Variants in SDK1 observed in about 807,000 individuals in gnomAD.
The protein encoded by SDK1 is protein sidekick-1.
In SDK1, 157 loss-of-function variants were observed where a neutral mutation model predicts 245.5. The observed-to-expected ratio is 0.64, with a 90% confidence interval of 0.56 to 0.73. The LOEUF (loss-of-function observed/expected upper bound fraction) is 0.73. Ranked by LOEUF, SDK1 falls within the 30% of genes least tolerant of loss-of-function variation. SDK1 has a pLI of 0.00. For synonymous variants in SDK1, 1,647 were observed against 1,278.5 expected (o/e 1.29, Z -6.15); for missense variants, 3,583 against 3,002.3 (o/e 1.19, Z -4.52).
chr7:3,634,322 T>G (rs1782391144), intron 2 of SDK1, among the ~76,000 whole-genome samples: 1 of 152,162 alleles, frequency 6.6e-6, no homozygotes, highest in South Asian at 2.1e-4. Context: ...ATAAAGAAAT[T>G]CTAGGGTTGG....
intron 4 of SDK1, among the ~76,000 whole-genome samples, chr7:3,776,843 C>T (rs1780578907): frequency 6.6e-6 from 1 of 152,038 alleles, no homozygotes; most frequent in Admixed American, 6.5e-5. Flanking sequence ...CTGAGAATGT[C>T]AGTCAGTAGT....
chr7:3,724,617 A>G (rs1368554316), intron 4 of SDK1, among the ~76,000 whole-genome samples: 2 of 152,196 alleles, frequency 1.3e-5, no homozygotes, highest in South Asian at 2.1e-4. Context: ...CGCATATGCA[A>G]CAAAAGTGGT....
At chr7:4,072,022 T>C (rs1397938443) in intron 20 of SDK1, among the ~76,000 whole-genome samples, 1 of 152,254 alleles carries the variant, frequency 6.6e-6, no homozygotes, top group Admixed American at 6.5e-5. Flanking sequence ...ATAATTCACG[T>C]TGAGCCAACA....
At chr7:3,719,764 G>T (rs1175312444) in intron 4 of SDK1, among the ~76,000 whole-genome samples, 1 of 151,980 alleles carries the variant, frequency 6.6e-6, no homozygotes, top group Non-Finnish European at 1.5e-5. Context: ...GGATCATGAG[G>T]TGAAGAGATT....
chr7:4,255,062 G>A (rs1429278857), intron 44 of SDK1, among the ~76,000 whole-genome samples: 6 of 152,212 alleles, frequency 3.9e-5, no homozygotes, highest in East Asian at 1.9e-4. Flanking sequence ...CAGCCTTTCT[G>A]CAGTTGCCAG....
chr7:3,968,018 C>G (rs1359168429), intron 10 of SDK1, among the ~76,000 whole-genome samples: 1 of 152,228 alleles, frequency 6.6e-6, no homozygotes, highest in Non-Finnish European at 1.5e-5. Context: ...CTTCTCTATC[C>G]ACGCCCTTCA....
intron 5 of SDK1, among the ~76,000 whole-genome samples, chr7:3,862,673 G>A (rs6969052): frequency 0.21 from 31,467 of 151,954 alleles, 3,488 homozygotes; most frequent in Middle Eastern, 0.29. Flanking sequence ...TTTTTAATAC[G>A]TCAGGCTTTT....
chr7:3,957,292 G>A (rs13234290), intron 7 of SDK1, among the ~76,000 whole-genome samples: 16,705 of 152,200 alleles, frequency 0.11, 1,133 homozygotes, highest in South Asian at 0.16. Context: ...ACACTTGAGC[G>A]CAGGAAACAC....
intron 4 of SDK1, among the ~76,000 whole-genome samples, chr7:3,720,291 C>T (rs1469926331): frequency 6.6e-6 from 1 of 151,916 alleles, no homozygotes. Flanking sequence ...AAAACAAAAA[C>T]TGCAGACATG....
At chr7:4,264,120 T>TG (rs1208025148) in intron 44 of SDK1, among the ~76,000 whole-genome samples, 1 of 98,802 alleles carries the variant, frequency 1.0e-5, no homozygotes, top group African/African-American at 3.9e-5. Flanking sequence ...CTCTCCTGAG[T>TG]GGGGAGGCCG....
chr7:3,784,451 A>G (rs2115015862), intron 4 of SDK1, among the ~76,000 whole-genome samples: 1 of 152,118 alleles, frequency 6.6e-6, no homozygotes, highest in African/African-American at 2.4e-5. Context: ...ATATTTAGAA[A>G]CCATACTTTG....
At position 3,415,003 on chromosome 7, in the gene SDK1, C is replaced by T. The variant is rs1043978020; in HGVS notation, c.298+113119C>T. ...GAACATGTTGGTTGTTTTGACTTTT[C>T]GGCTATTATGCATAACACTGCTATG... On this transcript the variant is annotated intron_variant, in intron 1 of 44. Coordinates refer to ENST00000404826, the MANE Select transcript of SDK1 (RefSeq NM_152744.4). Among the ~76,000 whole-genome samples the T allele has an allele frequency of 4.6e-5, 7 of 152,214 alleles. 1 individual carries two copies. Among genetic ancestry groups the T allele is most frequent in the East Asian group, 3.9e-4 (2 of 5,188 alleles).
At chr7:4,211,331 G>A (rs1309002178) in intron 38 of SDK1, among the ~76,000 whole-genome samples, 1 of 152,170 alleles carries the variant, frequency 6.6e-6, no homozygotes, top group Non-Finnish European at 1.5e-5. Context: ...AGATGGCTCG[G>A]AGGAGAACGG....
At chr7:3,424,860 G>A (rs1779633101) in intron 1 of SDK1, among the ~76,000 whole-genome samples, 1 of 152,146 alleles carries the variant, frequency 6.6e-6, no homozygotes, top group African/African-American at 2.4e-5. Context: ...TAGCACTACT[G>A]CACTCCAGCC....
At chr7:3,748,233 C>G (rs567205396) in intron 4 of SDK1, among the ~76,000 whole-genome samples, 1 of 152,250 alleles carries the variant, frequency 6.6e-6, no homozygotes, top group South Asian at 2.1e-4. Flanking sequence ...ATACACTGAA[C>G]TCTAAATTGT....
At chr7:3,970,967 G>A (rs928270310) in intron 11 of SDK1, among the ~76,000 whole-genome samples, 2 of 152,306 alleles carry the variant, frequency 1.3e-5, no homozygotes, top group African/African-American at 2.4e-5. Flanking sequence ...CTTGGGGGAG[G>A]TGGGCAAGTC....
intron 44 of SDK1, among the ~76,000 whole-genome samples, chr7:4,248,123 C>G (rs1405003523): frequency 6.6e-6 from 1 of 152,126 alleles, no homozygotes; most frequent in East Asian, 1.9e-4. Flanking sequence ...CACCCGTGAA[C>G]TGAGCTAAGC....
intron 14 of SDK1, among the ~76,000 whole-genome samples, chr7:3,993,769 T>G (rs1425639206): frequency 6.6e-6 from 1 of 152,086 alleles, no homozygotes; most frequent in Admixed American, 6.5e-5. Context: ...TCTCCTGGCT[T>G]CTTCTGCCTC....
intron 1 of SDK1, among the ~76,000 whole-genome samples, chr7:3,508,847 TA>T (rs1362631544): frequency 6.6e-6 from 1 of 152,198 alleles, no homozygotes; most frequent in Admixed American, 6.5e-5. Context: ...AGGTGCTCAA[TA>T]AGTATTTGGG....
Sources: gnomAD v4.1 joint callset for allele counts (sites outside exome capture counted in the v4.1 genomes callset) on GRCh38, gnomAD v4.1.1 for gene constraint, MANE v1.5 for transcripts, NCBI Gene and HGNC (gene_info 2026-07-23, HGNC 2026-07-21) for gene names.